The following AGPAT5 variants were observed in gnomAD, a reference collection of about 807,000 sequenced individuals.
AGPAT5 encodes the protein 1-acylglycerol-3-phosphate O-acyltransferase 5, also known as 1-acyl-sn-glycerol-3-phosphate acyltransferase epsilon.
A neutral mutation model predicts 45.6 loss-of-function variants in AGPAT5; 46 were observed. The observed-to-expected ratio is 1.01, with a 90% CI of 0.80 to 1.29. The LOEUF is 1.29. Among genes scored for constraint, AGPAT5 ranks in the 50% most tolerant of loss-of-function variants. AGPAT5 has a pLI of 0.00. For missense variants in AGPAT5, 673 were observed against 450.7 expected (o/e 1.49, Z -4.47); for synonymous variants, 272 against 167.0 (o/e 1.63, Z -4.85).
In AGPAT5 at chr8:6,744,787, G is replaced by C. The variant is rs1801375416; in HGVS notation, c.587-2883G>C. Among the ~76,000 whole-genome samples, 3 of 152,188 alleles carry C rather than the reference G, an allele frequency of 2.0e-5. No individual in the cohort carries two copies. In the South Asian group the frequency reaches 6.2e-4, roughly 32 times the overall value. On this transcript the variant is annotated intron_variant, in intron 5 of 7. Coordinates refer to ENST00000285518, the MANE Select transcript of AGPAT5 (RefSeq NM_018361.5). ...TCTGCAGCTTGCAGGGCCTTCTGCAGCTCTTGTCTGCCCCAGCCCCGGGGT... is the reference window on the plus strand; with the variant it reads ...TCTGCAGCTTGCAGGGCCTTCTGCACCTCTTGTCTGCCCCAGCCCCGGGGT...
At chr8:6,750,840 T>C (rs1387045050) in intron 6 of AGPAT5, among the ~76,000 whole-genome samples, 1 of 152,194 alleles carries the variant, frequency 6.6e-6, no homozygotes, top group Non-Finnish European at 1.5e-5. Context: ...GAATGCAATG[T>C]AGTACAAACC....
rs146772200 is a variant in AGPAT5 at position 6,712,796 on chromosome 8, C to A, written c.219+3909C>A. On this transcript the variant is annotated intron_variant, in intron 1 of 7. Coordinates refer to ENST00000285518, the MANE Select transcript of AGPAT5 (RefSeq NM_018361.5). The stretch of plus-strand genomic sequence containing the variant: ...TAGCTGCATAAACAATAACTGTAAT[C>A]GTTATGATAAATAATGACAAATCTT... Among the ~76,000 whole-genome samples, 448 of 152,242 alleles carry A rather than the reference C, an allele frequency of 2.9e-3. 3 individuals are homozygous for A. The highest frequency in any genetic ancestry group is 8.2e-3 in the African/African-American group (342 of 41,528).
intron 4 of AGPAT5, among the ~76,000 whole-genome samples, chr8:6,735,594 G>C (rs2980679): frequency 0.75 from 114,633 of 152,142 alleles, 44,369 homozygotes; most frequent in African/African-American, 0.93. Flanking sequence ...AGTTTTCCAT[G>C]TTTCCTTAGA....
rs543770160 is a variant in AGPAT5, at chr8:6,742,969, A to G, written c.586+1218A>G. Among the ~76,000 whole-genome samples the G allele has an allele frequency of 7.2e-4, 110 of 152,144 alleles. 2 individuals are homozygous for G. Among genetic ancestry groups the G allele is most frequent in the African/African-American group, 2.3e-3 (96 of 41,502 alleles). On this transcript the variant is annotated intron_variant, in intron 5 of 7. Transcript: ENST00000285518. ...CCATTGTCTCTTTTGCCCTTTTCAC[A>G]TTTATTAAACAGAACAAAACAAAAA... is the stretch of plus-strand genomic sequence containing the variant.
chr8:6,731,897 GT>G (rs36029151), intron 3 of AGPAT5, among the ~76,000 whole-genome samples: 2 of 152,188 alleles, frequency 1.3e-5, no homozygotes, highest in Non-Finnish European at 2.9e-5. Flanking sequence ...TCCTCAGGTG[GT>G]TTTTTTCCCT....
At chr8:6,716,171 A>T (rs1286775063) in intron 1 of AGPAT5, among the ~76,000 whole-genome samples, 1 of 152,216 alleles carries the variant, frequency 6.6e-6, no homozygotes, top group Non-Finnish European at 1.5e-5. Context: ...AGCATATTTT[A>T]ATGTATGGAT....
At chr8:6,751,114 T>G (rs1801642902) in intron 6 of AGPAT5, among the ~76,000 whole-genome samples, 1 of 152,220 alleles carries the variant, frequency 6.6e-6, no homozygotes, top group Non-Finnish European at 1.5e-5. Context: ...CTGGTCTGGT[T>G]ATAATCTACT....
chr8:6,742,063 T>A (rs1023776960), intron 5 of AGPAT5, among the ~76,000 whole-genome samples: 3 of 152,134 alleles, frequency 2.0e-5, no homozygotes, highest in Non-Finnish European at 2.9e-5. Context: ...AGTGTATGGG[T>A]TATATGTAAT....
rs58764077 is a variant in AGPAT5, at chr8:6,721,864, C to G, written c.220-3006C>G. ...GTTTTATTTTTATTTTTATTTTTATCTTTATTTTAAAGAGACAGGGGTCTT... is the reference window on the plus strand; with the variant it reads ...GTTTTATTTTTATTTTTATTTTTATGTTTATTTTAAAGAGACAGGGGTCTT... On this transcript the variant is annotated intron_variant, in intron 1 of 7. Transcript: ENST00000285518. 2.0e-5 allele frequency among the ~76,000 whole-genome samples: 3 copies of G among 150,764 alleles called. No homozygotes were observed. The East Asian group carries it at 5.8e-4, about 29-fold the overall frequency.
chr8:6,754,295 A>G (rs1239726373), intron 6 of AGPAT5, among the ~76,000 whole-genome samples: 1 of 152,166 alleles, frequency 6.6e-6, no homozygotes, highest in African/African-American at 2.4e-5. Context: ...TAGAAACTAC[A>G]GTTGTTTACA....
Position 6,757,333 on chromosome 8 carries a change from A to T in AGPAT5, c.1040A>T (p.Asn347Ile). 1.3e-5 allele frequency: 21 copies of T among 1,614,216 alleles called. No individual in the cohort carries two copies. Among genetic ancestry groups the T allele is most frequent in the Non-Finnish European group, 1.8e-5 (21 of 1,180,038 alleles). ...GATGCTGGAAGGAAGCTGTATGTGA[A>T]CACCTGGATATATGGAACCCTACTT... ...MTDAGRKLYV[N>I]TWIYGTLLGC... Residue 347 changes from asparagine (N) to isoleucine (I), a missense_variant, in exon 8 of 8, where the codon AAC (asparagine) becomes ATC (isoleucine). Coordinates refer to ENST00000285518, the MANE Select transcript of AGPAT5 (RefSeq NM_018361.5).
In AGPAT5 at chr8:6,713,167, T is replaced by C. The variant is rs1800209458; in HGVS notation, c.219+4280T>C. Among the ~76,000 whole-genome samples, 5 of 152,196 alleles carry C rather than the reference T, an allele frequency of 3.3e-5. No individual in the cohort carries two copies. The South Asian group carries it at 1.0e-3, about 32-fold the overall frequency. On this transcript the variant is annotated intron_variant, in intron 1 of 7. Coordinates refer to ENST00000285518, the MANE Select transcript of AGPAT5 (RefSeq NM_018361.5). ...AAAGTTTTTGTAGAAATGGGGTCTT[T>C]CTGTGTTGCCCAGGCTGGTCTTGAA...
At chr8:6,718,378 G>T (rs1254717694) in intron 1 of AGPAT5, among the ~76,000 whole-genome samples, 1 of 152,208 alleles carries the variant, frequency 6.6e-6, no homozygotes, top group Non-Finnish European at 1.5e-5. Flanking sequence ...TGATATGAAG[G>T]TCTTGTGTGT....
At chr8:6,709,313 C>A (rs1586992027) in intron 1 of AGPAT5, among the ~76,000 whole-genome samples, 1 of 152,310 alleles carries the variant, frequency 6.6e-6, no homozygotes, top group Admixed American at 6.5e-5. Flanking sequence ...AAGTACAATT[C>A]GGTCTTGTGT....
At chr8:6,735,587 T>C (rs556829098) in intron 4 of AGPAT5, among the ~76,000 whole-genome samples, 3 of 152,340 alleles carry the variant, frequency 2.0e-5, no homozygotes, top group Admixed American at 2.0e-4. Context: ...TCCTTTGAGT[T>C]TTCCATGTTT....
intron 1 of AGPAT5, among the ~76,000 whole-genome samples, chr8:6,715,480 G>A (rs1452646588): frequency 2.6e-5 from 4 of 152,218 alleles, no homozygotes; most frequent in African/African-American, 7.2e-5. Flanking sequence ...GTTAGTGAGT[G>A]CTGCTGTGTG....
In AGPAT5 at chr8:6,757,267, T is replaced by A; in HGVS notation, c.974T>A (p.Met325Lys). ...KLSIKKTLPSMLILSGLTAGM... is the reference protein window; with the variant it reads ...KLSIKKTLPSKLILSGLTAGM... ...AGTATCAAGAAGACTTTACCATCAA[T>A]GTTGATCTTAAGTGGTTTGACTGCA... The change falls in exon 8 of 8, where the codon ATG becomes AAG. Residue 325 changes from methionine to lysine, a missense_variant. Coordinates refer to ENST00000285518, the MANE Select transcript of AGPAT5 (RefSeq NM_018361.5). 3.1e-6 allele frequency: 5 copies of A among 1,614,162 alleles called. No homozygotes were observed. The highest frequency in any genetic ancestry group is 4.2e-6 in the Non-Finnish European group (5 of 1,180,018).
intron 1 of AGPAT5, among the ~76,000 whole-genome samples, chr8:6,723,517 G>A (rs1800578996): frequency 6.6e-6 from 1 of 151,706 alleles, no homozygotes; most frequent in African/African-American, 2.4e-5. Context: ...CACTATGCCT[G>A]GGCTGTGCAA....
At chr8:6,726,295 G>A (rs1325344189) in intron 2 of AGPAT5, among the ~76,000 whole-genome samples, 1 of 152,230 alleles carries the variant, frequency 6.6e-6, no homozygotes, top group Non-Finnish European at 1.5e-5. Flanking sequence ...TGTGGGCCCA[G>A]TACAGGGAAT....
Sources: gnomAD v4.1 joint callset for allele counts (sites outside exome capture counted in the v4.1 genomes callset) on GRCh38, gnomAD v4.1.1 for gene constraint, MANE v1.5 for transcripts, NCBI Gene and HGNC (gene_info 2026-07-23, HGNC 2026-07-21) for gene names.